Variants in CNGA3 observed in about 807,000 individuals in gnomAD.
The protein encoded by CNGA3 is cyclic nucleotide-gated channel alpha-3.
In CNGA3, 42 loss-of-function variants were observed where a neutral mutation model predicts 46.6. That is an observed-to-expected ratio of 0.90 (90% CI 0.70 to 1.17). The LOEUF (loss-of-function observed/expected upper bound fraction) is 1.17, where lower values mean the gene tolerates loss of function less well. Ranked by LOEUF, CNGA3 falls within the 50% of genes most tolerant of loss-of-function variation. CNGA3 has a pLI of 0.00. For missense variants in CNGA3, 893 were observed against 890.7 expected (o/e 1.00, Z -0.03); for synonymous variants, 394 against 369.4 (o/e 1.07, Z -0.76).
intron 1 of CNGA3, among the ~76,000 whole-genome samples, chr2:98,363,988 C>A (rs568651898): frequency 6.6e-6 from 1 of 152,218 alleles, no homozygotes; most frequent in Admixed American, 6.5e-5. Context: ...TTATTGGGTG[C>A]ATATATATTT....
intron 2 of CNGA3, chr2:98,377,310 G>A: frequency 4.4e-6 from 1 of 226,496 alleles, no homozygotes; most frequent in Non-Finnish European, 9.0e-6. Context: ...CAGTAGGCGA[G>A]AAGTGTTGGA....
At chr2:98,364,484 G>T (rs61276895) in intron 1 of CNGA3, among the ~76,000 whole-genome samples, 444 of 152,058 alleles carry the variant, frequency 2.9e-3, no homozygotes, top group African/African-American at 0.01. Context: ...TTCCTCCATC[G>T]CTTTATGTTG....
intron 7 of CNGA3, among the ~76,000 whole-genome samples, chr2:98,393,541 C>G (rs1271014523): frequency 6.6e-6 from 1 of 152,212 alleles, no homozygotes; most frequent in African/African-American, 2.4e-5. Context: ...CTCAGATACA[C>G]AGGCTGAGGC....
intron 3 of CNGA3, chr2:98,378,115 TGGGA>T: frequency 6.4e-7 from 1 of 1,550,924 alleles, no homozygotes; most frequent in Non-Finnish European, 8.7e-7. Flanking sequence ...CAGCCAGCCG[TGGGA>T]GACCTTTGAT....
At chr2:98,356,532 G>A (rs1691883483) in intron 1 of CNGA3, among the ~76,000 whole-genome samples, 1 of 152,176 alleles carries the variant, frequency 6.6e-6, no homozygotes, top group Non-Finnish European at 1.5e-5. Flanking sequence ...CCAAACCCTG[G>A]CTGAATAGAG....
chr2:98,352,599 A>T (rs1691791196), intron 1 of CNGA3, among the ~76,000 whole-genome samples: 1 of 152,102 alleles, frequency 6.6e-6, no homozygotes, highest in Non-Finnish European at 1.5e-5. Context: ...ATAAAACATT[A>T]TTTCTGGGGG....
intron 5 of CNGA3, among the ~76,000 whole-genome samples, chr2:98,384,747 G>A (rs943993271): frequency 4.6e-5 from 7 of 152,180 alleles, no homozygotes; most frequent in Admixed American, 3.3e-4. Flanking sequence ...AGGTCCTGGG[G>A]GTTTCTAGGC....
intron 5 of CNGA3, among the ~76,000 whole-genome samples, chr2:98,386,778 A>C (rs1692662757): frequency 2.0e-5 from 3 of 152,152 alleles, no homozygotes; most frequent in Non-Finnish European, 4.4e-5. Flanking sequence ...CTGGCTTTGA[A>C]GATGTAGGAA....
intron 1 of CNGA3, among the ~76,000 whole-genome samples, chr2:98,356,426 G>C (rs1691880732): frequency 6.6e-6 from 1 of 152,140 alleles, no homozygotes; most frequent in Non-Finnish European, 1.5e-5. Flanking sequence ...GGCTAAGTAT[G>C]CCTGTCCATC....
intron 5 of CNGA3, among the ~76,000 whole-genome samples, chr2:98,387,344 A>C (rs1357323828): frequency 6.6e-6 from 1 of 152,122 alleles, no homozygotes; most frequent in African/African-American, 2.4e-5. Flanking sequence ...TTTTTCAATG[A>C]GTGTTTAATT....
chr2:98,353,728 G>T lies in CNGA3; in HGVS notation c.-38+7194G>T, dbSNP rs528899878. Among the ~76,000 whole-genome samples the T allele has an allele frequency of 2.6e-4, 40 of 152,310 alleles. No individual in the cohort carries two copies. The East Asian group carries it at 3.5e-3, about 13-fold the overall frequency. ...AGAACTTGGTAATTTATAAAGAAAA[G>T]AGGTTTACTCAGCTCATAGTTCTGC... is the stretch of plus-strand genomic sequence containing the variant. On this transcript the variant is annotated intron_variant, in intron 1 of 7. Transcript: ENST00000272602.
chr2:98,397,668 A>G lies in CNGA3; in HGVS notation c.*413A>G, dbSNP rs568904494. The G allele has an allele frequency of 6.7e-6, 2 of 299,182 alleles. No individual in the cohort carries two copies. The highest frequency in any genetic ancestry group is 9.1e-5 in the East Asian group (1 of 10,962). 18.5% of individuals were successfully genotyped at this position (299,182 alleles called of 1,614,324 possible). A position where few individuals can be genotyped will look rare whatever the true frequency, so the allele number is the denominator to read the frequency against. On this transcript the variant is annotated 3_prime_UTR_variant, in exon 8 of 8. Coordinates refer to ENST00000272602, the MANE Select transcript of CNGA3 (RefSeq NM_001298.3). ...TGTCCAACTTCACCACCACCTGATAATGGGTATATAACAGGAAGCTGAAGG... is the reference window on the plus strand; with the variant it reads ...TGTCCAACTTCACCACCACCTGATAGTGGGTATATAACAGGAAGCTGAAGG...
At chr2:98,380,125 G>A (rs776191747) in intron 3 of CNGA3, 50 bp from the exon 4 acceptor site, 14 of 1,604,458 alleles carry the variant, frequency 8.7e-6, no homozygotes, top group Non-Finnish European at 1.2e-5. Context: ...GTTTGGGGGT[G>A]TGGGGGGCTT....
chr2:98,396,871 C>T lies in CNGA3; in HGVS notation c.1701C>T (p.Asn567=). The T allele has an allele frequency of 6.2e-7, 1 of 1,614,184 alleles. No individual in the cohort carries two copies. The highest frequency in any genetic ancestry group is 1.1e-5 in the South Asian group (1 of 91,082). ...GSKSGNRRTA[N]IRSIGYSDLF... is the part of the protein sequence containing the mutation. The stretch of plus-strand genomic sequence containing the variant: ...AGTCGGGGAACCGCAGGACGGCCAA[C>T]ATCCGCAGCATTGGCTACTCAGACC... The change falls in exon 8 of 8, where the codon AAC becomes AAT. Residue 567 remains asparagine (N), a synonymous_variant. Coordinates refer to ENST00000272602, the MANE Select transcript of CNGA3 (RefSeq NM_001298.3).
intron 6 of CNGA3, 127 bp from the exon 7 acceptor site, chr2:98,391,737 C>A (rs1285917227): frequency 3.6e-6 from 3 of 835,976 alleles, no homozygotes; most frequent in Middle Eastern, 2.2e-4. Context: ...GGTAGTGACA[C>A]CGCAGGCAGG....
At chr2:98,386,681 G>C (rs1692661328) in intron 5 of CNGA3, among the ~76,000 whole-genome samples, 1 of 152,206 alleles carries the variant, frequency 6.6e-6, no homozygotes, top group South Asian at 2.1e-4. Context: ...GTAATCACAT[G>C]AGTCCTTAAA....
Position 98,396,524 on chromosome 2 carries a change from G to C in CNGA3, c.1354G>C (p.Asp452His). The C allele has an allele frequency of 6.2e-7, 1 of 1,614,060 alleles. No homozygotes were observed. The highest frequency in any genetic ancestry group is 8.5e-7 in the Non-Finnish European group (1 of 1,180,022). Residue 452 changes from aspartate (D) to histidine (H), a missense_variant, in exon 8 of 8, where the codon GAT becomes CAT. Around this residue, in one of 3 missense-constraint regions of CNGA3, gnomAD observed 548 missense variants for 570.8 expected, o/e 0.96. Transcript: ENST00000272602. ...CCTGTGGGCCAACAAGAAGACGGTG[G>C]ATGAGAAGGAGGTGCTCAAGAGCCT... ...DYLWANKKTV[D>H]EKEVLKSLPD...
intron 6 of CNGA3, among the ~76,000 whole-genome samples, chr2:98,391,325 G>T (rs894797536): frequency 6.6e-6 from 1 of 152,118 alleles, no homozygotes; most frequent in Non-Finnish European, 1.5e-5. Flanking sequence ...CCTTCAGGTG[G>T]GCAGGAGGCT....
At chr2:98,357,232 A>C (rs4851127) in intron 1 of CNGA3, among the ~76,000 whole-genome samples, 2 of 152,118 alleles carry the variant, frequency 1.3e-5, no homozygotes, top group African/African-American at 4.8e-5. Flanking sequence ...TAAATGCCTG[A>C]CTACTCAGGC....
Sources: gnomAD v4.1 joint callset for allele counts (sites outside exome capture counted in the v4.1 genomes callset) on GRCh38, gnomAD v4.1.1 for gene constraint, gnomAD v4.1.1 regional missense constraint, MANE v1.5 for transcripts, NCBI Gene and HGNC (gene_info 2026-07-23, HGNC 2026-07-21) for gene names.